ZFHX3: variants seen among roughly 807,000 people sequenced by gnomAD.
ZFHX3 encodes zinc finger homeobox 3.
In ZFHX3, 42 loss-of-function variants were observed where a neutral mutation model predicts 279.1. The observed-to-expected ratio is 0.15, with a 90% CI of 0.12 to 0.19. The LOEUF (loss-of-function observed/expected upper bound fraction) is 0.19. ZFHX3 is among the 10% of genes least tolerant of loss of function. The probability of loss-of-function intolerance (pLI) is 1.00; values close to 1 mark genes in which losing one functional copy is unlikely to be tolerated. For missense variants in ZFHX3, 4,981 were observed against 4,754.0 expected, an observed-to-expected ratio of 1.05 and a Z score of -1.40; for synonymous variants, 2,293 against 1,957.8, an observed-to-expected ratio of 1.17 and a Z score of -4.52.
chr16:73,465,577 T>C (rs1189594736), intron 2 of ZFHX3, among the ~76,000 whole-genome samples: 1 of 152,156 alleles, frequency 6.6e-6, no homozygotes, highest in Non-Finnish European at 1.5e-5. Flanking sequence ...CATTCAAGGC[T>C]CTGCAGGTAA....
intron 2 of ZFHX3, among the ~76,000 whole-genome samples, chr16:73,536,692 A>C (rs1307505319): frequency 6.6e-6 from 1 of 152,172 alleles, no homozygotes; most frequent in African/African-American, 2.4e-5. Context: ...ACATCACATC[A>C]GTTAGGCTTG....
chr16:72,815,772 G>T (rs2143627485), intron 5 of ZFHX3, among the ~76,000 whole-genome samples: 1 of 152,316 alleles, frequency 6.6e-6, no homozygotes, highest in East Asian at 1.9e-4. Flanking sequence ...GCACTCCAGA[G>T]ACAAGACATA....
chr16:73,473,357 A>AC (rs2018706695), intron 2 of ZFHX3, among the ~76,000 whole-genome samples: 2 of 48,496 alleles, frequency 4.1e-5, no homozygotes, highest in African/African-American at 7.4e-5. Context: ...AAAAAAAAAA[A>AC]CAAAAAAAAA....
intron 1 of ZFHX3, among the ~76,000 whole-genome samples, chr16:73,835,317 A>C (rs540731666): frequency 6.6e-4 from 101 of 152,152 alleles, no homozygotes; most frequent in African/African-American, 2.4e-3. Context: ...TTCTAAGCTA[A>C]AGAAGAGTTG....
chr16:72,972,189 G>A (rs1438618411), intron 1 of ZFHX3, among the ~76,000 whole-genome samples: 3 of 152,078 alleles, frequency 2.0e-5, no homozygotes, highest in East Asian at 1.9e-4. Flanking sequence ...ATTCATGCCC[G>A]GCCTTGCCTG....
At chr16:73,529,939 G>GTA (rs1445663851) in intron 2 of ZFHX3, among the ~76,000 whole-genome samples, 1 of 151,624 alleles carries the variant, frequency 6.6e-6, no homozygotes, top group Non-Finnish European at 1.5e-5. Context: ...TATTTTGGGT[G>GTA]TGTGTGTGTG....
At chr16:73,502,075 T>C (rs1430546650) in intron 2 of ZFHX3, among the ~76,000 whole-genome samples, 1 of 152,018 alleles carries the variant, frequency 6.6e-6, no homozygotes, top group Admixed American at 6.6e-5. Flanking sequence ...GGAAAGTGGT[T>C]AAAGGTACAG....
At chr16:73,079,468 C>G (rs1193993661) in intron 8 of ZFHX3, among the ~76,000 whole-genome samples, 1 of 152,048 alleles carries the variant, frequency 6.6e-6, no homozygotes, top group East Asian at 1.9e-4. Flanking sequence ...GAGGTTGGGA[C>G]AGGGCGAGAC....
upstream of ZFHX3, among the ~76,000 whole-genome samples, chr16:73,050,761 C>T (rs1428259545): frequency 6.6e-6 from 1 of 152,186 alleles, no homozygotes; most frequent in Non-Finnish European, 1.5e-5. Flanking sequence ...ACACTGCTGA[C>T]AAATAAACCC....
At chr16:73,039,341 G>A (rs975048916) in intron 1 of ZFHX3, among the ~76,000 whole-genome samples, 2 of 152,184 alleles carry the variant, frequency 1.3e-5, no homozygotes, top group African/African-American at 2.4e-5. Flanking sequence ...AATCACATAC[G>A]CAGAGGCTGC....
intron 3 of ZFHX3, among the ~76,000 whole-genome samples, chr16:72,911,525 G>C (rs1460054829): frequency 6.6e-6 from 1 of 152,182 alleles, no homozygotes; most frequent in Non-Finnish European, 1.5e-5. Context: ...CTCGGTCAGA[G>C]AAACAACGTG....
intron 2 of ZFHX3, among the ~76,000 whole-genome samples, chr16:73,577,390 A>C (rs2051812048): frequency 6.6e-6 from 1 of 152,216 alleles, no homozygotes; most frequent in Non-Finnish European, 1.5e-5. Flanking sequence ...TACACTGACT[A>C]AAGAGTATAT....
At chr16:73,703,810 T>A (rs1211156323) in intron 1 of ZFHX3, among the ~76,000 whole-genome samples, 1 of 152,178 alleles carries the variant, frequency 6.6e-6, no homozygotes, top group African/African-American at 2.4e-5. Flanking sequence ...AACAGTTTTC[T>A]GCTTCACTGT....
chr16:73,096,137 C>T (rs1966159126), intron 7 of ZFHX3, among the ~76,000 whole-genome samples: 1 of 152,130 alleles, frequency 6.6e-6, no homozygotes, highest in Admixed American at 6.6e-5. Context: ...TGATTACAGT[C>T]CCCCAGGGAC....
intron 1 of ZFHX3, among the ~76,000 whole-genome samples, chr16:72,989,447 A>G (rs1215901150): frequency 6.6e-6 from 1 of 150,766 alleles, no homozygotes; most frequent in Non-Finnish European, 1.5e-5. Flanking sequence ...GTGTCACTGC[A>G]CTCCAGCCTG....
intron 5 of ZFHX3, among the ~76,000 whole-genome samples, chr16:73,168,201 GTTTCTTTTGTTTTC>G (rs1229100308): frequency 4.9e-5 from 6 of 122,344 alleles, no homozygotes; most frequent in African/African-American, 1.9e-4. Flanking sequence ...TAACACTATA[GTTTCTTTTGTTTTC>G]TTTCTTTCTT....
intron 1 of ZFHX3, among the ~76,000 whole-genome samples, chr16:73,840,997 G>A (rs534055067): frequency 6.6e-6 from 1 of 152,294 alleles, no homozygotes; most frequent in South Asian, 2.1e-4. Flanking sequence ...CAATAGGAAA[G>A]CAGGTGGTGA....
chr16:73,634,875 G>C (rs2052513987), intron 2 of ZFHX3, among the ~76,000 whole-genome samples: 1 of 152,080 alleles, frequency 6.6e-6, no homozygotes, highest in South Asian at 2.1e-4. Context: ...ACTGAAAAGA[G>C]AGGTGTTTGT....
At chr16:73,307,836 T>A (rs2015217642) in intron 4 of ZFHX3, among the ~76,000 whole-genome samples, 1 of 152,126 alleles carries the variant, frequency 6.6e-6, no homozygotes, top group Non-Finnish European at 1.5e-5. Context: ...TCGGCATTAT[T>A]TTCAGATTAA....
Sources: gnomAD v4.1 joint callset for allele counts (sites outside exome capture counted in the v4.1 genomes callset) on GRCh38, gnomAD v4.1.1 for gene constraint, MANE v1.5 for transcripts, NCBI Gene and HGNC (gene_info 2026-07-23, HGNC 2026-07-21) for gene names.